Variants in SMARCD3 observed in about 807,000 individuals in gnomAD.
The protein encoded by SMARCD3 is SWI/SNF related BAF chromatin remodeling complex subunit D3.
A neutral mutation model predicts 58.0 loss-of-function variants in SMARCD3; 14 were observed. The ratio of observed to expected loss-of-function variants is 0.24; its 90% CI spans 0.16 to 0.38. The LOEUF is 0.38. SMARCD3 is among the 10% of genes least tolerant of loss of function. The pLI, the probability that SMARCD3 is intolerant of heterozygous loss-of-function variation, is 1.00. For missense variants in SMARCD3, 408 were observed against 636.9 expected (o/e 0.64, Z 3.87); for synonymous variants, 253 against 253.8 (o/e 1.00, Z 0.03).
chr7:151,242,465 C>G lies in SMARCD3; in HGVS notation c.579+16G>C, dbSNP rs1236118395. 1 of 1,611,544 alleles carries G rather than the reference C, an allele frequency of 6.2e-7. No homozygotes were observed. Among genetic ancestry groups the G allele is most frequent in the East Asian group, 2.2e-5 (1 of 44,856 alleles). Reference sequence around the variant, plus strand: ...CCCACCCCAGGACACCTGGAGAGACCTGGGCCGGGACGTACATCATCCAGG... The same window carrying G: ...CCCACCCCAGGACACCTGGAGAGACGTGGGCCGGGACGTACATCATCCAGG... On this transcript the variant is annotated intron_variant, in intron 5 of 12. Coordinates refer to ENST00000262188, the MANE Select transcript of SMARCD3 (RefSeq NM_001003801.2). The surrounding 1 kb of genome is among the most constrained non-coding windows in gnomAD (Gnocchi z 4.7).
chr7:151,255,425 T>C (rs1361387627), intron 2 of SMARCD3, among the ~76,000 whole-genome samples: 2 of 152,154 alleles, frequency 1.3e-5, no homozygotes, highest in Admixed American at 1.3e-4. Context: ...GAGCCCTGGC[T>C]CTGCATCTTA....
rs1245802788 is a variant in SMARCD3 at position 151,239,191 on chromosome 7, T to A, written c.1399-35A>T. 2 of 1,610,894 alleles carry A rather than the reference T, an allele frequency of 1.2e-6. No individual in the cohort carries two copies. The highest frequency in any genetic ancestry group is 1.7e-6 in the Non-Finnish European group (2 of 1,177,160). ...AAGTGAGAACAGGAGCAGGTGTCAG[T>A]GTTCTGGTGAGTGATCAGGACAATC... On this transcript the variant is annotated intron_variant, in intron 12 of 12. Coordinates refer to ENST00000262188, the MANE Select transcript of SMARCD3 (RefSeq NM_001003801.2). The surrounding 1 kb of genome is among the most constrained non-coding windows in gnomAD (Gnocchi z 7.0).
chr7:151,250,362 C>T (rs951866190), upstream of SMARCD3, among the ~76,000 whole-genome samples: 7 of 151,908 alleles, frequency 4.6e-5, no homozygotes, highest in Non-Finnish European at 8.8e-5. Context: ...GAGCCTGGGC[C>T]CTGACACGGT....
chr7:151,244,684 A>G (rs1004987518), intron 2 of SMARCD3, among the ~76,000 whole-genome samples: 1 of 152,226 alleles, frequency 6.6e-6, no homozygotes, highest in Non-Finnish European at 1.5e-5. Context: ...TGGGATTCCT[A>G]TAAGTGGTGA....
intron 2 of SMARCD3, among the ~76,000 whole-genome samples, chr7:151,255,872 C>T (rs1803682479): frequency 6.6e-6 from 1 of 151,754 alleles, no homozygotes; most frequent in Non-Finnish European, 1.5e-5. Flanking sequence ...ATTTTAACCT[C>T]CCTTGCATGT....
At chr7:151,252,181 C>CG (rs914001784), upstream of SMARCD3, among the ~76,000 whole-genome samples, 1 of 152,012 alleles carries the variant, frequency 6.6e-6, no homozygotes, top group Non-Finnish European at 1.5e-5. Context: ...GGACTCCGCT[C>CG]GGGGGGCGCG....
upstream of SMARCD3, among the ~76,000 whole-genome samples, chr7:151,250,182 T>C (rs1447065028): frequency 6.6e-6 from 1 of 152,088 alleles, no homozygotes; most frequent in African/African-American, 2.4e-5. Flanking sequence ...TGCTCTTGGC[T>C]GTCACTGTTC....
upstream of SMARCD3, among the ~76,000 whole-genome samples, chr7:151,253,053 A>T (rs866901307): frequency 1.4e-4 from 22 of 152,162 alleles, no homozygotes; most frequent in African/African-American, 5.1e-4. Context: ...GTGAAAGGAG[A>T]GGCTTAAGTC....
chr7:151,242,699 TC>T lies in SMARCD3; in HGVS notation c.456+21del. The stretch of plus-strand genomic sequence containing the variant: ...TGGTCACACAACTCTAGAGTCCCCT[TC>T]CTACCCCCGAACTAAGGCACCTTCA... On this transcript the variant is annotated intron_variant, in intron 4 of 12. Transcript: ENST00000262188. This position sits in a 1 kb window ranked among gnomAD's most constrained non-coding sequence, Gnocchi z 4.7. 6.2e-7 allele frequency: 1 copy of T among 1,614,002 alleles called. No homozygotes were observed. The highest frequency in any genetic ancestry group is 8.5e-7 in the Non-Finnish European group (1 of 1,179,944).
chr7:151,268,203 G>C (rs745909806), intron 2 of SMARCD3, among the ~76,000 whole-genome samples: 2 of 152,138 alleles, frequency 1.3e-5, no homozygotes, highest in Non-Finnish European at 2.9e-5. Flanking sequence ...ACTTTAATTA[G>C]GCACCAACCT....
intron 2 of SMARCD3, among the ~76,000 whole-genome samples, chr7:151,272,575 T>G (rs1398070737): frequency 6.6e-6 from 1 of 152,274 alleles, no homozygotes; most frequent in East Asian, 1.9e-4. Flanking sequence ...AGGAGGCCTG[T>G]GTGGGGCGCA....
chr7:151,244,265 AC>A (rs113415402), intron 2 of SMARCD3, among the ~76,000 whole-genome samples: 3,290 of 152,178 alleles, frequency 0.022, 108 homozygotes, highest in African/African-American at 0.076. Flanking sequence ...CCCTGGGACT[AC>A]CTGGCAACAG....
chr7:151,272,190 G>A (rs193284949), intron 2 of SMARCD3, among the ~76,000 whole-genome samples: 8 of 152,156 alleles, frequency 5.3e-5, no homozygotes, highest in Admixed American at 2.6e-4. Context: ...CCAGTGGCTC[G>A]GGACCAGAAA....
At chr7:151,271,434 C>A (rs1795171493) in intron 2 of SMARCD3, among the ~76,000 whole-genome samples, 1 of 152,004 alleles carries the variant, frequency 6.6e-6, no homozygotes, top group South Asian at 2.1e-4. Flanking sequence ...TTAACTGATG[C>A]CTGTGCCTGT....
At chr7:151,252,383 G>GGA (rs1490986011), upstream of SMARCD3, among the ~76,000 whole-genome samples, 1 of 152,048 alleles carries the variant, frequency 6.6e-6, no homozygotes, top group Non-Finnish European at 1.5e-5. Flanking sequence ...GCTCTCCTTA[G>GGA]GAGAATACGA....
chr7:151,254,612 G>C (rs779684613), intron 2 of SMARCD3: 2 of 152,334 alleles, frequency 1.3e-5, no homozygotes, highest in African/African-American at 4.8e-5. Flanking sequence ...CTGTCTCCAC[G>C]TGTGTCCTGT....
At chr7:151,260,548 G>T (rs1466143002) in intron 2 of SMARCD3, among the ~76,000 whole-genome samples, 1 of 152,068 alleles carries the variant, frequency 6.6e-6, no homozygotes, top group Non-Finnish European at 1.5e-5. Flanking sequence ...TGCTCCTCTG[G>T]CTTCTGTGGT....
chr7:151,243,296 C>T lies in SMARCD3; in HGVS notation c.333+363G>A, dbSNP rs1046333797. ...CCACACCTGTCCCAACTGTGCTGTC[C>T]CCATACCCAGCTGGACCTGGGTCTC... On this transcript the variant is annotated intron_variant, in intron 3 of 12. Transcript: ENST00000262188. The surrounding 1 kb of genome is among the most constrained non-coding windows in gnomAD (Gnocchi z 4.4). Among the ~76,000 whole-genome samples, 5 of 152,296 alleles carry T rather than the reference C, an allele frequency of 3.3e-5. No individual in the cohort carries two copies. The highest frequency in any genetic ancestry group is 1.9e-4 in the East Asian group (1 of 5,174).
At position 151,239,284 on chromosome 7, in the gene SMARCD3, A is replaced by C; in HGVS notation, c.1398+112T>G. 3.8e-6 allele frequency: 5 copies of C among 1,299,728 alleles called. No individual in the cohort carries two copies. The highest frequency in any genetic ancestry group is 4.5e-6 in the Non-Finnish European group (4 of 895,966). 80.5% of individuals were successfully genotyped at this position (1,299,728 alleles called of 1,614,324 possible). A position where few individuals can be genotyped will look rare whatever the true frequency, so the allele number is the denominator to read the frequency against. On this transcript the variant is annotated intron_variant, in intron 12 of 12. Transcript: ENST00000262188. This position sits in a 1 kb window ranked among gnomAD's most constrained non-coding sequence, Gnocchi z 7.0. ...AGGGAGGGCCATTGCATGGTGAGGC[A>C]GCGTGGTGAAGCTTTACTGTGGGGA...
Sources: allele counts gnomAD v4.1 joint callset (sites outside exome capture counted in the v4.1 genomes callset), GRCh38; gene constraint gnomAD v4.1.1; non-coding constraint Gnocchi (gnomAD v3.1); transcripts MANE v1.5; gene names NCBI Gene and HGNC (gene_info 2026-07-23, HGNC 2026-07-21).